Variants in FGGY observed in about 807,000 individuals in gnomAD.
FGGY encodes FGGY carbohydrate kinase domain containing, also known as FGGY carbohydrate kinase domain-containing protein.
Under a neutral mutation model 71.3 loss-of-function variants are expected in FGGY, and 72 were observed. The observed-to-expected ratio is 1.01, with a 90% confidence interval of 0.84 to 1.23. The LOEUF is 1.23. FGGY is among the 50% of genes most tolerant of loss of function. The pLI is 0.00. For synonymous variants in FGGY, 251 were observed against 250.3 expected (o/e 1.00, Z -0.02); for missense variants, 668 against 682.3 (o/e 0.98, Z 0.23).
At chr1:59,355,715 A>C (rs2054187794) in intron 4 of FGGY, among the ~76,000 whole-genome samples, 1 of 152,096 alleles carries the variant, frequency 6.6e-6, no homozygotes, top group African/African-American at 2.4e-5. Flanking sequence ...CTTAAGTAGC[A>C]TCCCCAAAGC....
At chr1:59,745,267 G>A (rs1257877443) in intron 14 of FGGY, among the ~76,000 whole-genome samples, 1 of 152,186 alleles carries the variant, frequency 6.6e-6, no homozygotes, top group Admixed American at 6.5e-5. Flanking sequence ...TCGCTTAGAA[G>A]AATTGGAGAT....
At chr1:59,642,537 A>G (rs1413417890) in intron 11 of FGGY, among the ~76,000 whole-genome samples, 1 of 150,564 alleles carries the variant, frequency 6.6e-6, no homozygotes, top group African/African-American at 2.4e-5. Flanking sequence ...AGGCAGGAGA[A>G]TTGCTTGAAC....
chr1:59,596,852 T>C (rs1327435679), intron 8 of FGGY, among the ~76,000 whole-genome samples: 1 of 152,172 alleles, frequency 6.6e-6, no homozygotes, highest in East Asian at 1.9e-4. Context: ...GAATGTAGGC[T>C]TTCAGACCCT....
intron 14 of FGGY, among the ~76,000 whole-genome samples, chr1:59,696,868 T>G (rs990490232): frequency 1.3e-5 from 2 of 152,104 alleles, no homozygotes; most frequent in Non-Finnish European, 2.9e-5. Flanking sequence ...ACAAACCCTC[T>G]TTTTACAGAT....
chr1:59,541,552 C>T (rs568656455), intron 7 of FGGY, among the ~76,000 whole-genome samples: 2 of 152,146 alleles, frequency 1.3e-5, no homozygotes, highest in Non-Finnish European at 2.9e-5. Flanking sequence ...CACAAGAAAA[C>T]AGAACTGACT....
intron 14 of FGGY, among the ~76,000 whole-genome samples, chr1:59,707,198 T>C (rs1314918154): frequency 6.6e-6 from 1 of 152,164 alleles, no homozygotes; most frequent in African/African-American, 2.4e-5. Flanking sequence ...AACAGTTTTG[T>C]TGGATAGGTA....
chr1:59,624,102 GATAA>G (rs1314590167), intron 9 of FGGY, among the ~76,000 whole-genome samples: 3 of 145,530 alleles, frequency 2.1e-5, no homozygotes, highest in Non-Finnish European at 4.5e-5. Flanking sequence ...ACCTGAAGGA[GATAA>G]ATATTCAATA....
intron 6 of FGGY, among the ~76,000 whole-genome samples, chr1:59,486,074 G>C (rs2093649595): frequency 6.6e-6 from 1 of 152,146 alleles, no homozygotes; most frequent in Non-Finnish European, 1.5e-5. Context: ...CTGTGCCTCA[G>C]ACTTAACACT....
At chr1:59,455,058 T>C (rs1164766911) in intron 5 of FGGY, among the ~76,000 whole-genome samples, 2 of 152,216 alleles carry the variant, frequency 1.3e-5, no homozygotes, top group Non-Finnish European at 2.9e-5. Context: ...ATGTTTCCAT[T>C]CAGTCAGTGT....
chr1:59,677,104 T>C (rs1461726019), intron 14 of FGGY, among the ~76,000 whole-genome samples: 1 of 152,216 alleles, frequency 6.6e-6, no homozygotes, highest in African/African-American at 2.4e-5. Context: ...TGAAAATGCA[T>C]GTAGACTTGG....
At chr1:59,305,539 A>T (rs917600836) in intron 1 of FGGY, among the ~76,000 whole-genome samples, 1 of 152,060 alleles carries the variant, frequency 6.6e-6, no homozygotes, top group Non-Finnish European at 1.5e-5. Context: ...GTCCTTGTCT[A>T]GCTTTAGTTT....
intron 6 of FGGY, among the ~76,000 whole-genome samples, chr1:59,489,932 AT>A (rs2093774635): frequency 6.6e-6 from 1 of 152,174 alleles, no homozygotes; most frequent in Admixed American, 6.5e-5. Context: ...ATGATATCTC[AT>A]TATGGTTTTG....
chr1:59,508,800 G>A (rs2153625226), intron 6 of FGGY, among the ~76,000 whole-genome samples: 1 of 152,336 alleles, frequency 6.6e-6, no homozygotes, highest in East Asian at 1.9e-4. Flanking sequence ...CCACTGGATT[G>A]AGGAGAAGGC....
In FGGY at chr1:59,377,618, A is replaced by G. The variant is rs560033285; in HGVS notation, c.466-1131A>G. Among the ~76,000 whole-genome samples, 23 of 152,302 alleles carry G rather than the reference A, an allele frequency of 1.5e-4. No homozygotes were observed. The East Asian group carries it at 4.3e-3, about 28-fold the overall frequency. On this transcript the variant is annotated intron_variant, in intron 4 of 15. Coordinates refer to ENST00000303721, the MANE Select transcript of FGGY (RefSeq NM_018291.5). ...GAAGACACAGCCAAACCATATCAAC[A>G]TTACACAAATGATTGTGGGGGTGGT...
intron 9 of FGGY, among the ~76,000 whole-genome samples, chr1:59,618,161 C>T (rs553379351): frequency 6.6e-6 from 1 of 152,108 alleles, no homozygotes; most frequent in African/African-American, 2.4e-5. Context: ...GGATACAGAA[C>T]TGATCATTAT....
intron 5 of FGGY, among the ~76,000 whole-genome samples, chr1:59,444,984 A>G (rs887071444): frequency 6.6e-6 from 1 of 152,130 alleles, no homozygotes; most frequent in Non-Finnish European, 1.5e-5. Flanking sequence ...TGGACACCCT[A>G]TAATATTTCT....
intron 9 of FGGY, among the ~76,000 whole-genome samples, chr1:59,616,194 A>T (rs528599912): frequency 2.0e-4 from 31 of 152,242 alleles, no homozygotes; most frequent in Admixed American, 4.6e-4. Flanking sequence ...ACGTATGTTT[A>T]TTGTGGCACT....
At chr1:59,553,751 A>T (rs41287700) in intron 7 of FGGY, among the ~76,000 whole-genome samples, 17 of 152,320 alleles carry the variant, frequency 1.1e-4, no homozygotes, top group East Asian at 3.9e-4. Context: ...CTGATGTCTA[A>T]CATTAATAAT....
At chr1:59,322,459 C>T (rs1162327367) in intron 2 of FGGY, among the ~76,000 whole-genome samples, 5 of 152,072 alleles carry the variant, frequency 3.3e-5, no homozygotes, top group East Asian at 1.9e-4. Flanking sequence ...CGCTTTCCTC[C>T]GAGTTCCCAA....
Sources: gnomAD v4.1 joint callset for allele counts (sites outside exome capture counted in the v4.1 genomes callset) on GRCh38, gnomAD v4.1.1 for gene constraint, MANE v1.5 for transcripts, NCBI Gene and HGNC (gene_info 2026-07-23, HGNC 2026-07-21) for gene names.